SHOC1: variants seen among roughly 807,000 people sequenced by gnomAD.
The protein encoded by SHOC1 is protein shortage in chiasmata 1 ortholog.
Under a neutral mutation model 179.2 loss-of-function variants are expected in SHOC1, and 136 were observed. The observed-to-expected ratio is 0.76, with a 90% confidence interval of 0.66 to 0.87. SHOC1 has a LOEUF of 0.87. SHOC1 is among the 40% of genes least tolerant of loss of function. The pLI is 0.00. For synonymous variants in SHOC1, 489 were observed against 586.6 expected (o/e 0.83, Z 2.41); for missense variants, 1,538 against 1,700.8 (o/e 0.90, Z 1.68).
At chr9:111,738,051 T>G in intron 12 of SHOC1, 1 of 433,092 alleles carries the variant, frequency 2.3e-6, no homozygotes, top group African/African-American at 2.0e-5. Context: ...ACTGAGACTA[T>G]AGAATTTTAG....
intron 8 of SHOC1, among the ~76,000 whole-genome samples, 197 bp downstream of exon 8, chr9:111,756,128 C>G (rs953371856): frequency 1.3e-5 from 2 of 151,872 alleles, no homozygotes; most frequent in Non-Finnish European, 2.9e-5. Flanking sequence ...GTCTCGACAA[C>G]AACAACAACA....
Position 111,706,734 on chromosome 9 carries a change from A to G in SHOC1, c.2571T>C (p.Cys857=). 1 of 1,592,260 alleles carries G rather than the reference A, an allele frequency of 6.3e-7. No individual in the cohort carries two copies. Among genetic ancestry groups the G allele is most frequent in the Middle Eastern group, 1.7e-4 (1 of 5,972 alleles). The change falls in exon 20 of 28, where the codon TGT becomes TGC. Residue 857 remains cysteine (C), a synonymous_variant. Transcript: ENST00000682961. ...SEGVLRGTSS[C]VVVHNQYIGA... ...CAATATATTGATTATGTACAACTACACAGGAACTTGTACTAAAGACAAAAG... is the reference window on the plus strand; with the variant it reads ...CAATATATTGATTATGTACAACTACGCAGGAACTTGTACTAAAGACAAAAG...
chr9:111,723,231 C>T (rs1410706135), intron 14 of SHOC1, among the ~76,000 whole-genome samples: 1 of 152,064 alleles, frequency 6.6e-6, no homozygotes. Flanking sequence ...TTCCAGTTAT[C>T]ACTAGAATAA....
chr9:111,700,374 CT>C (rs34234521), intron 23 of SHOC1, among the ~76,000 whole-genome samples: 27,648 of 152,036 alleles, frequency 0.18, 2,729 homozygotes, highest in Non-Finnish European at 0.22. Context: ...CTCCATCCCC[CT>C]GGTCAAAGTA....
intron 5 of SHOC1, among the ~76,000 whole-genome samples, chr9:111,764,878 C>T (rs764178930): frequency 1.8e-4 from 28 of 152,080 alleles, no homozygotes; most frequent in East Asian, 5.8e-4. Flanking sequence ...CGGTGGCTCA[C>T]GCCTGTAATC....
At chr9:111,701,178 C>A (rs748618498) in intron 23 of SHOC1, among the ~76,000 whole-genome samples, 1 of 152,162 alleles carries the variant, frequency 6.6e-6, no homozygotes, top group Non-Finnish European at 1.5e-5. Context: ...CTTACTCAAA[C>A]AAGAATTAAT....
chr9:111,773,107 C>T (rs1041998699), intron 5 of SHOC1, among the ~76,000 whole-genome samples: 1 of 152,066 alleles, frequency 6.6e-6, no homozygotes, highest in African/African-American at 2.4e-5. Context: ...GTCTCATCCT[C>T]ATATTTGAGA....
At chr9:111,697,433 C>T (rs1333742658) in intron 24 of SHOC1, among the ~76,000 whole-genome samples, 1 of 152,074 alleles carries the variant, frequency 6.6e-6, no homozygotes, top group Non-Finnish European at 1.5e-5. Flanking sequence ...TGAGTGAGAA[C>T]ATGCAGTGTT....
intron 23 of SHOC1, 44 bp from the exon 24 acceptor site, chr9:111,700,091 G>T (rs924812478): frequency 2.0e-6 from 2 of 978,428 alleles, no homozygotes; most frequent in Non-Finnish European, 1.5e-6. Context: ...TTTGATATCA[G>T]ATTATATTTA....
At chr9:111,714,888 C>T (rs1319179622) in intron 16 of SHOC1, among the ~76,000 whole-genome samples, 1 of 152,182 alleles carries the variant, frequency 6.6e-6, no homozygotes, top group East Asian at 1.9e-4. Context: ...TGCCTCCTGG[C>T]TTGTTGAATG....
intron 5 of SHOC1, among the ~76,000 whole-genome samples, chr9:111,762,127 A>G (rs1343086381): frequency 1.3e-5 from 2 of 152,176 alleles, no homozygotes; most frequent in African/African-American, 4.8e-5. Flanking sequence ...TAAAAACTGC[A>G]GTCATTAAAA....
chr9:111,783,210 A>C (rs1337763389), intron 3 of SHOC1, among the ~76,000 whole-genome samples: 1 of 152,212 alleles, frequency 6.6e-6, no homozygotes, highest in Non-Finnish European at 1.5e-5. Context: ...ATTTTTCTTC[A>C]TAGCAAAATT....
intron 10 of SHOC1, among the ~76,000 whole-genome samples, chr9:111,745,853 A>G (rs1380123388): frequency 6.6e-6 from 1 of 152,250 alleles, no homozygotes; most frequent in East Asian, 1.9e-4. Context: ...TGTCCTAAGC[A>G]TACTATTCCA....
chr9:111,722,798 T>C (rs1184328520), intron 14 of SHOC1, among the ~76,000 whole-genome samples: 1 of 152,130 alleles, frequency 6.6e-6, no homozygotes, highest in East Asian at 1.9e-4. Context: ...TTTATGGCTA[T>C]ATTATTTATT....
intron 10 of SHOC1, 35 bp downstream of exon 10, chr9:111,746,199 T>C: frequency 7.3e-7 from 1 of 1,370,370 alleles, no homozygotes; most frequent in Non-Finnish European, 1.0e-6. Flanking sequence ...TTGTTCTGAA[T>C]TGCAACATGG....
At chr9:111,775,716 A>G in intron 5 of SHOC1, 75 bp downstream of exon 5, 1 of 1,335,900 alleles carries the variant, frequency 7.5e-7, no homozygotes. Context: ...TTCAACTCAA[A>G]CAAAAAACTC....
Position 111,724,754 on chromosome 9 carries a change from T to G in SHOC1, c.1835-843A>C, listed in dbSNP as rs1833222546. 3.3e-5 allele frequency among the ~76,000 whole-genome samples: 5 copies of G among 152,138 alleles called. No individual in the cohort carries two copies. The South Asian group carries it at 1.0e-3, about 32-fold the overall frequency. On this transcript the variant is annotated intron_variant, in intron 13 of 27. Coordinates refer to ENST00000682961, the MANE Select transcript of SHOC1 (RefSeq NM_001378211.1). ...TCCAGGCCAGCAAAGGGCTCCTCCT[T>G]TTGTTTCTTCAGCATTCTGTGAAGA...
intron 12 of SHOC1, among the ~76,000 whole-genome samples, chr9:111,734,819 T>A (rs56249961): frequency 0.82 from 123,797 of 151,794 alleles, 50,674 homozygotes; most frequent in East Asian, 0.92. Context: ...GTGATTAAAA[T>A]ATAATTTGAA....
chr9:111,781,615 T>C (rs969765756), intron 3 of SHOC1, among the ~76,000 whole-genome samples: 8 of 146,312 alleles, frequency 5.5e-5, no homozygotes, highest in African/African-American at 1.5e-4. Flanking sequence ...CCCAACTACT[T>C]GGAAGGCTGA....
Sources: allele counts gnomAD v4.1 joint callset (sites outside exome capture counted in the v4.1 genomes callset), GRCh38; gene constraint gnomAD v4.1.1; transcripts MANE v1.5; gene names NCBI Gene and HGNC (gene_info 2026-07-23, HGNC 2026-07-21).